The following HIVEP1 variants were observed in gnomAD, a reference collection of about 807,000 sequenced individuals.
HIVEP1 encodes the protein HIVEP zinc finger 1.
HIVEP1 carries 36 observed loss-of-function variants against 180.0 expected under a neutral mutation model. That is an observed-to-expected ratio of 0.20 (90% CI 0.15 to 0.26). The LOEUF is 0.26. Among genes scored for constraint, HIVEP1 ranks in the 10% least tolerant of loss-of-function variants. The probability of loss-of-function intolerance (pLI) is 1.00; values close to 1 mark genes in which losing one functional copy is unlikely to be tolerated. For missense variants in HIVEP1, 3,143 were observed against 3,268.7 expected, an observed-to-expected ratio of 0.96 and a Z score of 0.94; for synonymous variants, 1,239 against 1,239.0, an observed-to-expected ratio of 1.00 and a Z score of 0.00.
chr6:12,180,957 C>T, the HIVEP1 span, among the ~76,000 whole-genome samples: 2 of 152,186 alleles, frequency 1.3e-5, no homozygotes, highest in African/African-American at 2.4e-5. Context: ...GCAGTTTGGT[C>T]AGTTTCATAG....
At position 12,042,103 on chromosome 6, in the gene HIVEP1, C is replaced by T. The variant is rs1397284497; in HGVS notation, c.40+26435C>T. 4.7e-4 allele frequency among the ~76,000 whole-genome samples: 65 copies of T among 138,710 alleles called. 2 individuals carry two copies. The highest frequency in any genetic ancestry group is 1.6e-3 in the African/African-American group (60 of 36,524). The allele number at this position is 138,710 out of a possible 152,430, so 91.0% of individuals were successfully genotyped here. A position where few individuals can be genotyped will look rare whatever the true frequency, so the allele number is the denominator to read the frequency against. On this transcript the variant is annotated intron_variant, in intron 2 of 8. Transcript: ENST00000379388. ...TTTTTTTTTTTTTGAGACGGAGTCT[C>T]GCTCTGTCGCCAAGGCGGGACTGCG...
In HIVEP1 at chr6:12,150,166, C is replaced by T. The variant is rs571253487; in HGVS notation, c.6488-11273C>T. On this transcript the variant is annotated intron_variant, in intron 7 of 8. Transcript: ENST00000379388. ...AATCCCTCTGCTCCACTGCACATTC[C>T]CTTGTTTTCTTGCCATAAAACATGA... 3.3e-5 allele frequency among the ~76,000 whole-genome samples: 5 copies of T among 152,296 alleles called. No homozygotes were observed. In the South Asian group the frequency reaches 1.0e-3, roughly 32 times the overall value.
At chr6:12,029,584 A>G (rs950465103) in intron 2 of HIVEP1, among the ~76,000 whole-genome samples, 3 of 151,438 alleles carry the variant, frequency 2.0e-5, no homozygotes, top group Non-Finnish European at 4.4e-5. Context: ...TTTTTACTAT[A>G]CTTTTGATTA....
chr6:12,090,918 A>G (rs1206477227), intron 3 of HIVEP1, among the ~76,000 whole-genome samples: 2 of 151,994 alleles, frequency 1.3e-5, no homozygotes, highest in Non-Finnish European at 2.9e-5. Context: ...GAGAAATTGG[A>G]TAATGAGGTT....
At chr6:12,183,695 G>A in the HIVEP1 span, among the ~76,000 whole-genome samples, 3 of 151,410 alleles carry the variant, frequency 2.0e-5, no homozygotes, top group Non-Finnish European at 2.9e-5. Context: ...TTTTGGATTC[G>A]TCTAGCCATC....
intron 3 of HIVEP1, among the ~76,000 whole-genome samples, chr6:12,090,923 G>A (rs1773436768): frequency 6.6e-6 from 1 of 151,958 alleles, no homozygotes; most frequent in South Asian, 2.1e-4. Flanking sequence ...ATTGGATAAT[G>A]AGGTTCAGAA....
At chr6:12,175,694 A>C in the HIVEP1 span, among the ~76,000 whole-genome samples, 1 of 152,236 alleles carries the variant, frequency 6.6e-6, no homozygotes, top group African/African-American at 2.4e-5. Context: ...AAGTCAAATA[A>C]GCCAAACAGG....
In HIVEP1 at chr6:12,122,928, C is replaced by G. The variant is rs1225646093; in HGVS notation, c.3133C>G (p.Gln1045Glu). 6.2e-7 allele frequency: 1 copy of G among 1,613,856 alleles called. No homozygotes were observed. Among genetic ancestry groups the G allele is most frequent in the Non-Finnish European group, 8.5e-7 (1 of 1,179,934 alleles). The change falls in exon 4 of 9, where the codon CAA (glutamine) becomes GAA (glutamate). Residue 1045 changes from glutamine to glutamate, a missense_variant. Physicochemically the swap from Gln to Glu is conservative, Grantham distance 29 (BLOSUM62 2). Coordinates refer to ENST00000379388, the MANE Select transcript of HIVEP1 (RefSeq NM_002114.4). Reference sequence around the variant, plus strand: ...TGTTGGGGATGATGAAGAACTTCAGCAAAATGAAAGTGGAACATCTCCAAA... The same window carrying G: ...TGTTGGGGATGATGAAGAACTTCAGGAAAATGAAAGTGGAACATCTCCAAA... Reference protein sequence around the residue: ...KSVGDDEELQQNESGTSPKSS... With the variant: ...KSVGDDEELQENESGTSPKSS...
upstream of HIVEP1, among the ~76,000 whole-genome samples, chr6:12,010,141 C>G (rs529963986): frequency 2.6e-5 from 4 of 152,160 alleles, no homozygotes; most frequent in Non-Finnish European, 5.9e-5. Context: ...TGATTGCAAC[C>G]TATTGGATAT....
chr6:12,132,449 A>T lies in HIVEP1; in HGVS notation c.6385+1507A>T, dbSNP rs72826097. 1.1e-3 allele frequency among the ~76,000 whole-genome samples: 162 copies of T among 152,326 alleles called. 1 individual carries two copies. In the Middle Eastern group the frequency reaches 0.024, roughly 22 times the overall value. ...TAGAAAGAAGAAAAAGAATGAGGCT[A>T]TTTAAAAAATATTTATCAAGTAAGG... On this transcript the variant is annotated intron_variant, in intron 6 of 8. Transcript: ENST00000379388.
chr6:12,091,491 A>G (rs1040449375), intron 3 of HIVEP1, among the ~76,000 whole-genome samples: 1 of 152,080 alleles, frequency 6.6e-6, no homozygotes, highest in Non-Finnish European at 1.5e-5. Flanking sequence ...TATTTTCAGA[A>G]GTATCTAGCA....
Position 12,057,006 on chromosome 6 carries a change from T to A in HIVEP1, c.41-32178T>A, listed in dbSNP as rs530262299. Among the ~76,000 whole-genome samples the A allele has an allele frequency of 2.0e-5, 3 of 152,194 alleles. No homozygotes were observed. In the East Asian group the frequency reaches 5.8e-4, roughly 29 times the overall value. ...TGTGCAGCACCACACCTGACTAATT[T>A]TTTAAATCTTTTTTGGTAGAGATGG... On this transcript the variant is annotated intron_variant, in intron 2 of 8. Transcript: ENST00000379388.
chr6:12,012,707 A>G (rs1367256171), intron 1 of HIVEP1, 141 bp downstream of exon 1: 1 of 151,204 alleles, frequency 6.6e-6, no homozygotes, highest in Non-Finnish European at 1.5e-5. Context: ...TGTGTGTGCA[A>G]CCGCCGACCT....
Position 12,123,251 on chromosome 6 carries a change from G to T in HIVEP1, c.3456G>T (p.Glu1152Asp). Residue 1152 changes from glutamate to aspartate, a missense_variant, in exon 4 of 9, where the codon GAG (glutamate) becomes GAT (aspartate). Physicochemically the swap from Glu to Asp is conservative, Grantham distance 45 (BLOSUM62 2). Around this residue, in one of 12 missense-constraint regions of HIVEP1, gnomAD observed 1,357 missense variants for 1,260.5 expected, o/e 1.08. Transcript: ENST00000379388. ...LSRPNSFDKP[E>D]PFERASPVSF... ...GGCCCAACTCATTTGACAAGCCTGA[G>T]CCTTTTGAAAGAGCCTCCCCAGTTT... 2 of 1,614,152 alleles carry T rather than the reference G, an allele frequency of 1.2e-6. No individual in the cohort carries two copies. The highest frequency in any genetic ancestry group is 8.5e-7 in the Non-Finnish European group (1 of 1,180,034).
chr6:12,149,503 G>A (rs1235331079), intron 7 of HIVEP1, among the ~76,000 whole-genome samples: 1 of 152,188 alleles, frequency 6.6e-6, no homozygotes, highest in African/African-American at 2.4e-5. Flanking sequence ...GAGGCAGTCA[G>A]TGTTACTACA....
intron 2 of HIVEP1, among the ~76,000 whole-genome samples, chr6:12,050,595 A>T (rs544989804): frequency 2.2e-4 from 33 of 150,270 alleles, no homozygotes; most frequent in Admixed American, 2.0e-3. Context: ...CAAAAAAAAA[A>T]AAATAAAAAA....
the HIVEP1 span, among the ~76,000 whole-genome samples, chr6:12,203,504 C>T: frequency 6.6e-6 from 1 of 152,150 alleles, no homozygotes; most frequent in African/African-American, 2.4e-5. Flanking sequence ...AGTGAGTTTG[C>T]CTCTGCCAGC....
chr6:12,029,750 T>C (rs1483357353), intron 2 of HIVEP1, among the ~76,000 whole-genome samples: 1 of 152,210 alleles, frequency 6.6e-6, no homozygotes, highest in African/African-American at 2.4e-5. Flanking sequence ...GATATATGCT[T>C]AATCCCTTTA....
intron 7 of HIVEP1, among the ~76,000 whole-genome samples, chr6:12,155,777 G>T (rs1422397989): frequency 1.3e-5 from 2 of 152,158 alleles, no homozygotes; most frequent in African/African-American, 2.4e-5. Context: ...TAATGTGATT[G>T]CTGGGTCAGA....
Sources: gnomAD v4.1 joint callset for allele counts (sites outside exome capture counted in the v4.1 genomes callset) on GRCh38, gnomAD v4.1.1 for gene constraint, gnomAD v4.1.1 regional missense constraint, MANE v1.5 for transcripts, NCBI Gene and HGNC (gene_info 2026-07-23, HGNC 2026-07-21) for gene names.